The following CCDC77 variants were observed in gnomAD, a reference collection of about 807,000 sequenced individuals.
The protein encoded by CCDC77 is coiled-coil domain containing 77, also known as coiled-coil domain-containing protein 77.
CCDC77 carries 56 observed loss-of-function variants against 66.8 expected under a neutral mutation model. The ratio of observed to expected loss-of-function variants is 0.84; its 90% CI spans 0.68 to 1.05. The LOEUF (loss-of-function observed/expected upper bound fraction) is 1.05, where lower values mean the gene tolerates loss of function less well. Among genes scored for constraint, CCDC77 ranks in the 50% least tolerant of loss-of-function variants. The pLI, the probability that CCDC77 is intolerant of heterozygous loss-of-function variation, is 0.00. For missense variants in CCDC77, 570 were observed against 576.8 expected, an observed-to-expected ratio of 0.99 and a Z score of 0.12; for synonymous variants, 196 against 195.2, an observed-to-expected ratio of 1.00 and a Z score of -0.03.
chr12:418,142 A>T (rs542946759), intron 4 of CCDC77, among the ~76,000 whole-genome samples: 2 of 152,168 alleles, frequency 1.3e-5, no homozygotes, highest in African/African-American at 4.8e-5. Context: ...AACATGGCGA[A>T]ACCCCATCTC....
chr12:432,831 GT>G (rs1179142761), intron 8 of CCDC77, among the ~76,000 whole-genome samples: 4 of 152,214 alleles, frequency 2.6e-5, no homozygotes, highest in African/African-American at 9.7e-5. Flanking sequence ...GAGCCCAAAA[GT>G]TCGAGACCAG....
At chr12:424,841 C>T (rs540751391) in intron 5 of CCDC77, among the ~76,000 whole-genome samples, 71 of 151,248 alleles carry the variant, frequency 4.7e-4, no homozygotes, top group Non-Finnish European at 8.4e-4. Flanking sequence ...GGTAAGGTTC[C>T]AACTTCATTA....
chr12:389,757 ATT>A (rs1944720590), intron 1 of CCDC77, among the ~76,000 whole-genome samples: 2 of 152,114 alleles, frequency 1.3e-5, no homozygotes, highest in Non-Finnish European at 2.9e-5. Flanking sequence ...GTGCTTCGTA[ATT>A]TGTTTTAACC....
intron 5 of CCDC77, 90 bp downstream of exon 5, chr12:418,726 G>C (rs796601360): frequency 1.4e-6 from 2 of 1,402,404 alleles, no homozygotes; most frequent in Non-Finnish European, 2.0e-6. Flanking sequence ...TTTAGAGGCA[G>C]TATCACTCTA....
intron 1 of CCDC77, among the ~76,000 whole-genome samples, chr12:394,438 T>C (rs1944800449): frequency 6.6e-6 from 1 of 152,210 alleles, no homozygotes; most frequent in Non-Finnish European, 1.5e-5. Context: ...CCAAGTATGG[T>C]TTGGTGTCAC....
intron 6 of CCDC77, among the ~76,000 whole-genome samples, chr12:429,705 C>T (rs997244008): frequency 2.6e-5 from 4 of 152,080 alleles, no homozygotes; most frequent in African/African-American, 9.7e-5. Context: ...GCAGTCCGCC[C>T]ACCTTGGCCT....
chr12:413,956 C>T (rs979450038), intron 4 of CCDC77, among the ~76,000 whole-genome samples: 13 of 151,532 alleles, frequency 8.6e-5, no homozygotes, highest in East Asian at 5.9e-4. Flanking sequence ...AGTTTCATCT[C>T]GGTCCTTGCC....
chr12:427,204 C>T (rs959931668), intron 5 of CCDC77, among the ~76,000 whole-genome samples: 1 of 151,750 alleles, frequency 6.6e-6, no homozygotes, highest in Non-Finnish European at 1.5e-5. Context: ...GAGATCATGC[C>T]ATTGCACTCC....
Position 411,874 on chromosome 12 carries a change from A to T in CCDC77, c.166A>T (p.Lys56Ter). Residue 56 changes from lysine to a stop codon, truncating the protein, a stop_gained, in exon 4 of 13, where the codon AAG becomes TAG. Coordinates refer to ENST00000239830, the MANE Select transcript of CCDC77 (RefSeq NM_032358.4). LOFTEE classifies it high-confidence loss of function. ...TCGTCTGGCCAAACTCCATCCTTCT[A>T]AGGAGCTCCTGGAATATTATCAAAA... The part of the protein sequence containing the change: ...EDRLAKLHPS[K>*]ELLEYYQKKM... 6.2e-7 allele frequency: 1 copy of T among 1,613,828 alleles called. No individual in the cohort carries two copies. Among genetic ancestry groups the T allele is most frequent in the East Asian group, 2.2e-5 (1 of 44,868 alleles).
Position 412,325 on chromosome 12 carries a change from C to T in CCDC77, c.270+347C>T, listed in dbSNP as rs117993202. On this transcript the variant is annotated intron_variant, in intron 4 of 12. Transcript: ENST00000239830. ...ATATCAAGTCCTTCAAACCTAAACC[C>T]CATGATGCTTTACTTGAGTAGTAAC... Among the ~76,000 whole-genome samples, 406 of 152,318 alleles carry T rather than the reference C, an allele frequency of 2.7e-3. 2 individuals carry two copies. The highest frequency in any genetic ancestry group is 4.6e-3 in the Non-Finnish European group (316 of 68,040).
intron 5 of CCDC77, among the ~76,000 whole-genome samples, chr12:423,494 G>GTTT (rs56233976): frequency 1.4e-4 from 5 of 35,410 alleles, no homozygotes; most frequent in Non-Finnish European, 2.1e-4. Context: ...TTTTTGTTTT[G>GTTT]TTTTTTTTTT....
At chr12:427,250 GAA>G (rs35629667) in intron 5 of CCDC77, among the ~76,000 whole-genome samples, 2 of 144,414 alleles carry the variant, frequency 1.4e-5, no homozygotes, top group African/African-American at 5.0e-5. Context: ...GCCTCGGAAA[GAA>G]AAAAAAAAAC....
chr12:428,463 A>ATAGTG (rs1460091527), intron 5 of CCDC77, among the ~76,000 whole-genome samples: 1 of 140,442 alleles, frequency 7.1e-6, no homozygotes, highest in Non-Finnish European at 1.5e-5. Flanking sequence ...GTGAGCCAAG[A>ATAGTG]CCGCACCATT....
intron 9 of CCDC77, among the ~76,000 whole-genome samples, chr12:435,271 C>T (rs1273425190): frequency 6.7e-6 from 1 of 148,898 alleles, no homozygotes; most frequent in Non-Finnish European, 1.5e-5. Flanking sequence ...CGTCTCAAGC[C>T]TACTTCTTTC....
At chr12:423,470 G>GTTTTTTTTTTTTTTTTTTTTT (rs1307027692) in intron 5 of CCDC77, among the ~76,000 whole-genome samples, 2 of 44,876 alleles carry the variant, frequency 4.5e-5, no homozygotes, top group Non-Finnish European at 9.1e-5. Context: ...TGTTTTTTGT[G>GTTTTTTTTTTTTTTTTTTTTT]TTTTTTGTGT....
At chr12:391,977 T>C (rs931079441) in intron 1 of CCDC77, among the ~76,000 whole-genome samples, 2 of 152,338 alleles carry the variant, frequency 1.3e-5, no homozygotes, top group Middle Eastern at 3.4e-3. Context: ...CTCCCACCTC[T>C]CATGCTTACC....
intron 9 of CCDC77, among the ~76,000 whole-genome samples, chr12:434,470 A>G (rs948817022): frequency 8.0e-5 from 12 of 150,886 alleles, no homozygotes; most frequent in Admixed American, 2.7e-4. Flanking sequence ...CTCCTGCCTC[A>G]GCCTTCCAAG....
In CCDC77 at chr12:418,537, C is replaced by T; in HGVS notation, c.314C>T (p.Ala105Val). Reference sequence around the variant, plus strand: ...TTGCAGCAGAGGGAGGAAGAGATTGCTGAATTGCAGAAAGCTCTAAGTGAT... The same window carrying T: ...TTGCAGCAGAGGGAGGAAGAGATTGTTGAATTGCAGAAAGCTCTAAGTGAT... ...CDLQQREEEI[A>V]ELQKALSDMQ... The change falls in exon 5 of 13, where the codon GCT (alanine) becomes GTT (valine). Residue 105 changes from alanine (A) to valine (V), a missense_variant. Coordinates refer to ENST00000239830, the MANE Select transcript of CCDC77 (RefSeq NM_032358.4). 1 of 1,613,916 alleles carries T rather than the reference C, an allele frequency of 6.2e-7. No homozygotes were observed. The highest frequency in any genetic ancestry group is 8.5e-7 in the Non-Finnish European group (1 of 1,179,872).
chr12:428,241 A>C (rs944557334), intron 5 of CCDC77, among the ~76,000 whole-genome samples: 1 of 151,982 alleles, frequency 6.6e-6, no homozygotes, highest in Non-Finnish European at 1.5e-5. Flanking sequence ...GGCCGGGCGC[A>C]GTGGCTCCCG....
Sources: allele counts gnomAD v4.1 joint callset (sites outside exome capture counted in the v4.1 genomes callset), GRCh38; gene constraint gnomAD v4.1.1; transcripts MANE v1.5; gene names NCBI Gene and HGNC (gene_info 2026-07-23, HGNC 2026-07-21).